Variants in ADAM18 observed in about 807,000 individuals in gnomAD.
The protein encoded by ADAM18 is disintegrin and metalloproteinase domain-containing protein 18.
A neutral mutation model predicts 94.4 loss-of-function variants in ADAM18; 117 were observed. The observed-to-expected ratio is 1.24, with a 90% CI of 1.07 to 1.45. ADAM18 has a LOEUF of 1.45. Among genes scored for constraint, ADAM18 ranks in the 40% most tolerant of loss-of-function variants. The probability of loss-of-function intolerance (pLI) is 0.00; values close to 1 mark genes in which losing one functional copy is unlikely to be tolerated. For missense variants in ADAM18, 936 were observed against 880.0 expected, an observed-to-expected ratio of 1.06 and a Z score of -0.81; for synonymous variants, 327 against 291.6, an observed-to-expected ratio of 1.12 and a Z score of -1.24.
chr8:39,673,649 TCTTGC>T (rs1326361433), intron 14 of ADAM18, among the ~76,000 whole-genome samples: 4 of 152,214 alleles, frequency 2.6e-5, no homozygotes, highest in Non-Finnish European at 4.4e-5. Flanking sequence ...CTTAGTTGTT[TCTTGC>T]CTTTTGCTAG....
chr8:39,609,459 A>G (rs1008873511), intron 4 of ADAM18, 26 bp from the exon 5 acceptor site: 2 of 1,547,212 alleles, frequency 1.3e-6, no homozygotes, highest in Non-Finnish European at 1.8e-6. Context: ...GAATTTATAT[A>G]CTTGCCTTTC....
chr8:39,696,073 TTAA>T (rs1821917909), intron 17 of ADAM18, among the ~76,000 whole-genome samples: 1 of 151,456 alleles, frequency 6.6e-6, no homozygotes, highest in Admixed American at 6.6e-5. Flanking sequence ...TTTTTATTTT[TTAA>T]TAATAACCAT....
chr8:39,617,134 T>G (rs1819466510), intron 6 of ADAM18, among the ~76,000 whole-genome samples: 1 of 151,952 alleles, frequency 6.6e-6, no homozygotes, highest in Non-Finnish European at 1.5e-5. Flanking sequence ...AAATGTCTAA[T>G]ATCTAAAATT....
At chr8:39,587,433 T>A (rs1474411669) in intron 2 of ADAM18, among the ~76,000 whole-genome samples, 2 of 152,176 alleles carry the variant, frequency 1.3e-5, no homozygotes, top group Non-Finnish European at 2.9e-5. Flanking sequence ...GCTTTTATGA[T>A]TTCCACTGTT....
chr8:39,606,459 G>A, intron 3 of ADAM18, 97 bp downstream of exon 3: 2 of 696,782 alleles, frequency 2.9e-6, no homozygotes, highest in South Asian at 2.1e-5. Context: ...ATTCAGGAAT[G>A]CTGTATAATG....
chr8:39,656,033 A>G (rs1451878728), intron 12 of ADAM18, among the ~76,000 whole-genome samples: 1 of 152,088 alleles, frequency 6.6e-6, no homozygotes, highest in East Asian at 1.9e-4. Flanking sequence ...TAATATTGCT[A>G]AGATGTAATT....
intron 6 of ADAM18, among the ~76,000 whole-genome samples, chr8:39,617,437 T>C (rs1819475192): frequency 6.6e-6 from 1 of 152,150 alleles, no homozygotes; most frequent in Non-Finnish European, 1.5e-5. Flanking sequence ...AGATTGGAAA[T>C]TTCTCAGAGA....
chr8:39,701,226 TA>T (rs1218644945), intron 17 of ADAM18, among the ~76,000 whole-genome samples: 3 of 150,788 alleles, frequency 2.0e-5, no homozygotes, highest in East Asian at 1.9e-4. Flanking sequence ...AATTTTTTTC[TA>T]AAAATATATA....
intron 18 of ADAM18, among the ~76,000 whole-genome samples, chr8:39,718,587 A>G (rs76831404): frequency 0.023 from 3,541 of 151,536 alleles, 65 homozygotes; most frequent in Non-Finnish European, 0.036. Context: ...ATTAATGGGC[A>G]TAAAGTGTCA....
chr8:39,665,830 A>G (rs1820981173), intron 13 of ADAM18, among the ~76,000 whole-genome samples: 1 of 152,168 alleles, frequency 6.6e-6, no homozygotes. Flanking sequence ...AAAACAAAAT[A>G]TGTTTTTACT....
At position 39,653,482 on chromosome 8, in the gene ADAM18, A is replaced by T. The variant is rs567539951; in HGVS notation, c.1230+4955A>T. Among the ~76,000 whole-genome samples the T allele has an allele frequency of 2.0e-5, 3 of 152,316 alleles. No homozygotes were observed. In the South Asian group the frequency reaches 6.2e-4, roughly 32 times the overall value. On this transcript the variant is annotated intron_variant, in intron 12 of 19. Transcript: ENST00000265707. ...ATAAACACCAACATAAGTCAATATT[A>T]AAAAAGTGAATAAATAGCCTTAAAA...
At chr8:39,675,450 CG>C (rs1821273972) in intron 14 of ADAM18, among the ~76,000 whole-genome samples, 2 of 152,182 alleles carry the variant, frequency 1.3e-5, no homozygotes, top group African/African-American at 4.8e-5. Flanking sequence ...ACGAAGTTCT[CG>C]TGCCATGGTT....
intron 13 of ADAM18, among the ~76,000 whole-genome samples, chr8:39,665,900 G>T (rs12334305): frequency 0.12 from 18,739 of 152,020 alleles, 1,608 homozygotes; most frequent in African/African-American, 0.24. Flanking sequence ...AAAATTAAAT[G>T]AATTAACATC....
intron 7 of ADAM18, among the ~76,000 whole-genome samples, chr8:39,634,395 A>G (rs555178450): frequency 1.3e-5 from 2 of 152,256 alleles, no homozygotes; most frequent in African/African-American, 4.8e-5. Context: ...CTATAGAGCC[A>G]CCAGGAAGGA....
rs957489291 is a variant in ADAM18, at chr8:39,722,824, T to C, written c.2018-924T>C. ...GAAAGACAGTGTCTGGTAAACTAAG[T>C]TGGGGAGTTATGTTTCCTAGATTTG... On this transcript the variant is annotated intron_variant, in intron 18 of 19. Coordinates refer to ENST00000265707, the MANE Select transcript of ADAM18 (RefSeq NM_014237.3). Among the ~76,000 whole-genome samples the C allele has an allele frequency of 2.6e-5, 4 of 151,706 alleles. No individual in the cohort carries two copies. In the South Asian group the frequency reaches 8.3e-4, roughly 31 times the overall value.
chr8:39,598,694 G>A (rs1305319972), intron 2 of ADAM18, among the ~76,000 whole-genome samples: 1 of 151,382 alleles, frequency 6.6e-6, no homozygotes, highest in African/African-American at 2.4e-5. Flanking sequence ...CTTGAACCTG[G>A]GAGGCAGATG....
intron 16 of ADAM18, among the ~76,000 whole-genome samples, chr8:39,681,364 C>G (rs144399112): frequency 1.3e-5 from 2 of 152,164 alleles, no homozygotes; most frequent in African/African-American, 4.8e-5. Context: ...GTCGGACCAA[C>G]AGGTGAGACT....
intron 10 of ADAM18, among the ~76,000 whole-genome samples, chr8:39,640,900 A>G (rs976911050): frequency 2.7e-5 from 4 of 149,438 alleles, no homozygotes; most frequent in African/African-American, 9.9e-5. Flanking sequence ...TTTATGTTCC[A>G]TGTAGATGCT....
At chr8:39,594,807 T>A (rs1818689866) in intron 2 of ADAM18, among the ~76,000 whole-genome samples, 1 of 149,376 alleles carries the variant, frequency 6.7e-6, no homozygotes, top group Non-Finnish European at 1.5e-5. Flanking sequence ...TTTTTTTTTT[T>A]TTTTTTTTTG....
Sources: allele counts gnomAD v4.1 joint callset (sites outside exome capture counted in the v4.1 genomes callset), GRCh38; gene constraint gnomAD v4.1.1; transcripts MANE v1.5; gene names NCBI Gene and HGNC (gene_info 2026-07-23, HGNC 2026-07-21).